Variants in TFPI observed in about 807,000 individuals in gnomAD.
TFPI encodes tissue factor pathway inhibitor.
TFPI carries 15 observed loss-of-function variants against 34.6 expected under a neutral mutation model. The observed-to-expected ratio is 0.43, with a 90% CI of 0.29 to 0.67. TFPI has a LOEUF of 0.67. Among genes scored for constraint, TFPI ranks in the 30% least tolerant of loss-of-function variants. The pLI, the probability that TFPI is intolerant of heterozygous loss-of-function variation, is 0.15. For synonymous variants in TFPI, 105 were observed against 120.1 expected (o/e 0.87, Z 0.82); for missense variants, 301 against 364.0 (o/e 0.83, Z 1.41).
intron 1 of TFPI, among the ~76,000 whole-genome samples, chr2:187,532,329 G>A (rs553439617): frequency 6.6e-6 from 1 of 152,336 alleles, no homozygotes; most frequent in East Asian, 1.9e-4. Context: ...GCAGCTTCCA[G>A]TGAGATCAAT....
intron 4 of TFPI, among the ~76,000 whole-genome samples, chr2:187,487,637 T>C (rs1039438750): frequency 2.0e-5 from 3 of 151,440 alleles, no homozygotes; most frequent in Non-Finnish European, 4.4e-5. Flanking sequence ...CAGGCCTTTA[T>C]TAAAAGGACG....
At chr2:187,501,593 A>G (rs1211383228) in intron 2 of TFPI, among the ~76,000 whole-genome samples, 1 of 152,136 alleles carries the variant, frequency 6.6e-6, no homozygotes, top group East Asian at 1.9e-4. Flanking sequence ...TAAAAATCAT[A>G]GGAAATTAGT....
At chr2:187,517,516 T>C (rs912617554) in intron 1 of TFPI, 3 of 152,236 alleles carry the variant, frequency 2.0e-5, no homozygotes, top group Non-Finnish European at 4.4e-5. Flanking sequence ...CTGTTTGTTA[T>C]GATTTCCATT....
intron 2 of TFPI, 124 bp from the exon 3 acceptor site, chr2:187,497,202 T>A: frequency 1.1e-6 from 1 of 884,538 alleles, no homozygotes; most frequent in Non-Finnish European, 1.7e-6. Flanking sequence ...TAAGAAACTA[T>A]AAAAAGTTAT....
Position 187,484,968 on chromosome 2 carries a change from A to G in TFPI, c.378T>C (p.Phe126=), listed in dbSNP as rs1306606864. 30 of 1,488,772 alleles carry G rather than the reference A, an allele frequency of 2.0e-5. No homozygotes were observed. The highest frequency in any genetic ancestry group is 2.7e-5 in the Non-Finnish European group (30 of 1,119,714). 92.2% of individuals were successfully genotyped at this position (1,488,772 alleles called of 1,614,324 possible). A position where few individuals can be genotyped will look rare whatever the true frequency, so the allele number is the denominator to read the frequency against. ...GACATATTCCAGGATCTTCTTCCAA[A>G]AAGCAGAAATCTGGCTTTTCTAGAA... ...TLQQEKPDFC[F]LEEDPGICRG... The change falls in exon 5 of 8, where the codon TTT becomes TTC. Residue 126 remains phenylalanine, a synonymous_variant. Transcript: ENST00000233156.
chr2:187,497,811 T>C (rs987664644), intron 2 of TFPI, among the ~76,000 whole-genome samples: 1 of 151,926 alleles, frequency 6.6e-6, no homozygotes, highest in Non-Finnish European at 1.5e-5. Flanking sequence ...TTAAACATTT[T>C]ATTTTTTTCA....
intron 1 of TFPI, among the ~76,000 whole-genome samples, chr2:187,544,282 A>G (rs1348102899): frequency 1.3e-5 from 2 of 152,212 alleles, no homozygotes; most frequent in Non-Finnish European, 2.9e-5. Flanking sequence ...CATTAAAGCA[A>G]TGCTTAATTT....
At chr2:187,530,364 C>A (rs1687901167) in intron 1 of TFPI, among the ~76,000 whole-genome samples, 1 of 152,072 alleles carries the variant, frequency 6.6e-6, no homozygotes, top group Non-Finnish European at 1.5e-5. Context: ...ATTCTAAGGG[C>A]CCTAATCTAA....
At chr2:187,535,445 C>T (rs1010450083) in intron 1 of TFPI, among the ~76,000 whole-genome samples, 1 of 152,174 alleles carries the variant, frequency 6.6e-6, no homozygotes, top group Non-Finnish European at 1.5e-5. Context: ...CAAAACCATA[C>T]AACTACATGG....
At chr2:187,495,722 T>C (rs2106078623) in intron 3 of TFPI, among the ~76,000 whole-genome samples, 1 of 152,258 alleles carries the variant, frequency 6.6e-6, no homozygotes, top group Non-Finnish European at 1.5e-5. Context: ...TAGAAAGCAG[T>C]AACAGAGTGA....
chr2:187,519,829 T>C (rs756928836), intron 1 of TFPI: 3 of 152,210 alleles, frequency 2.0e-5, no homozygotes, highest in African/African-American at 7.3e-5. Context: ...TGCCTTTTTT[T>C]CCAGAGATGC....
At chr2:187,494,339 C>A (rs929724959) in intron 3 of TFPI, among the ~76,000 whole-genome samples, 19 of 152,136 alleles carry the variant, frequency 1.2e-4, no homozygotes, top group African/African-American at 4.1e-4. Flanking sequence ...GCTTTCTAAT[C>A]TCTAATAGCC....
chr2:187,508,942 T>C (rs1377183241), intron 1 of TFPI, among the ~76,000 whole-genome samples: 1 of 152,144 alleles, frequency 6.6e-6, no homozygotes, highest in African/African-American at 2.4e-5. Flanking sequence ...TTGTCATAAA[T>C]AGTTATTATT....
intron 6 of TFPI, among the ~76,000 whole-genome samples, chr2:187,479,261 G>A (rs537389193): frequency 5.9e-5 from 9 of 151,996 alleles, no homozygotes; most frequent in Non-Finnish European, 7.4e-5. Context: ...TAGGCAAGTG[G>A]ATGAAGCTAA....
chr2:187,469,943 G>A (rs776486469), intron 6 of TFPI, among the ~76,000 whole-genome samples: 21 of 152,122 alleles, frequency 1.4e-4, no homozygotes, highest in Non-Finnish European at 1.0e-4. Flanking sequence ...TCCTTGCACA[G>A]TGTAGAATAT....
At chr2:187,517,143 C>T (rs1401530219) in intron 1 of TFPI, 2 of 152,220 alleles carry the variant, frequency 1.3e-5, no homozygotes, top group Admixed American at 6.6e-5. Flanking sequence ...TTCGCAGCAC[C>T]AAGCACTTGT....
At position 187,527,225 on chromosome 2, in the gene TFPI, T is replaced by C. The variant is rs148926009; in HGVS notation, c.-2-23455A>G. The C allele has an allele frequency of 2.6e-4, 40 of 152,330 alleles. 1 individual carries two copies. In the East Asian group the frequency reaches 7.7e-3, roughly 29 times the overall value. 9.4% of individuals were successfully genotyped at this position (152,330 alleles called of 1,614,324 possible). A position where few individuals can be genotyped will look rare whatever the true frequency, so the allele number is the denominator to read the frequency against. On this transcript the variant is annotated intron_variant, in intron 1 of 7. Transcript: ENST00000233156. ...AATTCTGATAGCTTTCTATTTCCTT[T>C]TTTTGAAGTTTACTTTTTGCAAGTA...
chr2:187,507,593 T>A (rs146725955), intron 1 of TFPI, among the ~76,000 whole-genome samples: 1 of 152,188 alleles, frequency 6.6e-6, no homozygotes, highest in Admixed American at 6.5e-5. Flanking sequence ...CATATGTTTG[T>A]TGGCTGAGTA....
Position 187,512,776 on chromosome 2 carries a change from G to C in TFPI, c.-2-9006C>G, listed in dbSNP as rs773128945. 1.3e-4 allele frequency among the ~76,000 whole-genome samples: 20 copies of C among 152,076 alleles called. 1 individual carries two copies. The highest frequency in any genetic ancestry group is 3.6e-4 in the African/African-American group (15 of 41,466). ...TTCAAAAAAAAGGGAAAAAAAGTTGGGGGGGGCCGCGAAATTTATGTAAAA... is the reference window on the plus strand; with the variant it reads ...TTCAAAAAAAAGGGAAAAAAAGTTGCGGGGGGCCGCGAAATTTATGTAAAA... On this transcript the variant is annotated intron_variant, in intron 1 of 7. Coordinates refer to ENST00000233156, the MANE Select transcript of TFPI (RefSeq NM_006287.6).
Sources: gnomAD v4.1 joint callset for allele counts (sites outside exome capture counted in the v4.1 genomes callset) on GRCh38, gnomAD v4.1.1 for gene constraint, MANE v1.5 for transcripts, NCBI Gene and HGNC (gene_info 2026-07-23, HGNC 2026-07-21) for gene names.